YPEL2: variants seen among roughly 807,000 people sequenced by gnomAD.
The protein encoded by YPEL2 is yippee like 2, also known as protein yippee-like 2.
In YPEL2, 2 loss-of-function variants were observed where a neutral mutation model predicts 19.1. That is an observed-to-expected ratio of 0.10 (90% CI 0.04 to 0.33). YPEL2 has a LOEUF of 0.33. YPEL2 is among the 10% of genes least tolerant of loss of function. The pLI is 1.00. For missense variants in YPEL2, 66 were observed against 140.7 expected (o/e 0.47, Z 2.68); for synonymous variants, 52 against 50.0 (o/e 1.04, Z -0.17).
At chr17:59,357,539 A>G (rs1397775567) in intron 2 of YPEL2, among the ~76,000 whole-genome samples, 1 of 152,186 alleles carries the variant, frequency 6.6e-6, no homozygotes, top group African/African-American at 2.4e-5. Flanking sequence ...GGCATGAGGA[A>G]TTGCTCACAT....
intron 2 of YPEL2, among the ~76,000 whole-genome samples, chr17:59,361,733 C>T (rs954666472): frequency 6.6e-6 from 1 of 152,148 alleles, no homozygotes; most frequent in Non-Finnish European, 1.5e-5. Context: ...TCATCAGGCT[C>T]TCCACCAAAG....
chr17:59,358,051 G>A (rs2047821914), intron 2 of YPEL2, among the ~76,000 whole-genome samples: 1 of 152,066 alleles, frequency 6.6e-6, no homozygotes, highest in Non-Finnish European at 1.5e-5. Context: ...AGAATTATGG[G>A]TCATCTCATT....
At chr17:59,356,778 T>C (rs1034186687) in intron 2 of YPEL2, among the ~76,000 whole-genome samples, 31 of 152,232 alleles carry the variant, frequency 2.0e-4, no homozygotes, top group African/African-American at 7.5e-4. Context: ...GAGGGCCTGC[T>C]TTCTGGTTCA....
chr17:59,354,404 C>T (rs939035859), intron 2 of YPEL2: 1 of 152,038 alleles, frequency 6.6e-6, no homozygotes, highest in Non-Finnish European at 1.5e-5. Flanking sequence ...TTACGCAGAC[C>T]GAGACGAAGT....
chr17:59,388,426 A>G (rs2047991926), intron 3 of YPEL2, 56 bp downstream of exon 3: 1 of 1,549,506 alleles, frequency 6.5e-7, no homozygotes, highest in South Asian at 1.1e-5. Context: ...GGGATGGGAA[A>G]AAGCAATCCT....
intron 2 of YPEL2, among the ~76,000 whole-genome samples, chr17:59,386,256 G>A (rs1235118659): frequency 2.0e-5 from 3 of 151,848 alleles, no homozygotes; most frequent in East Asian, 1.9e-4. Flanking sequence ...GAGCCCAGAA[G>A]GTGGAGGCTA....
intron 1 of YPEL2, among the ~76,000 whole-genome samples, chr17:59,352,314 C>G (rs778882851): frequency 6.6e-5 from 10 of 152,112 alleles, no homozygotes; most frequent in Non-Finnish European, 1.5e-4. Context: ...TCTTAGACCT[C>G]GTGGCCCTGC....
At chr17:59,393,782 T>C (rs1401141383) in intron 4 of YPEL2, among the ~76,000 whole-genome samples, 3 of 150,224 alleles carry the variant, frequency 2.0e-5, no homozygotes, top group Admixed American at 1.3e-4. Flanking sequence ...TTAATCCATT[T>C]AACCCTGAGT....
At chr17:59,378,400 A>G (rs1264036943) in intron 2 of YPEL2, among the ~76,000 whole-genome samples, 1 of 150,168 alleles carries the variant, frequency 6.7e-6, no homozygotes, top group African/African-American at 2.5e-5. Context: ...GTTGGAGTGC[A>G]GTGGCGTGAT....
chr17:59,365,825 AAG>A (rs1451629502), intron 2 of YPEL2, among the ~76,000 whole-genome samples: 1 of 151,930 alleles, frequency 6.6e-6, no homozygotes, highest in Non-Finnish European at 1.5e-5. Context: ...GGGGGAGAGG[AAG>A]AGAGGAGGAG....
chr17:59,386,445 A>G (rs759234836), intron 2 of YPEL2, among the ~76,000 whole-genome samples: 1 of 151,570 alleles, frequency 6.6e-6, no homozygotes, highest in African/African-American at 2.4e-5. Flanking sequence ...GAAAGAGGGG[A>G]GCTGAGCTGA....
chr17:59,338,960 A>C (rs960806969), intron 1 of YPEL2, among the ~76,000 whole-genome samples: 4 of 152,220 alleles, frequency 2.6e-5, no homozygotes, highest in African/African-American at 9.7e-5. Flanking sequence ...CACATGACTG[A>C]GGTCTGGAAA....
At chr17:59,360,111 C>T (rs2047833038) in intron 2 of YPEL2, among the ~76,000 whole-genome samples, 1 of 152,190 alleles carries the variant, frequency 6.6e-6, no homozygotes, top group Admixed American at 6.5e-5. Flanking sequence ...GAATCTTGCA[C>T]TGTTGCCCAG....
chr17:59,377,171 G>T (rs965517530), intron 2 of YPEL2, among the ~76,000 whole-genome samples: 2 of 152,102 alleles, frequency 1.3e-5, no homozygotes, highest in Admixed American at 6.5e-5. Flanking sequence ...TCATTGGCCA[G>T]TGCCCATTTG....
At chr17:59,391,373 A>G (rs2048006701) in intron 4 of YPEL2, among the ~76,000 whole-genome samples, 3 of 152,158 alleles carry the variant, frequency 2.0e-5, no homozygotes, top group Admixed American at 2.0e-4. Flanking sequence ...TTTCTGCTCA[A>G]TTTTGCTGTG....
Position 59,353,421 on chromosome 17 carries a change from G to C in YPEL2, c.12G>C (p.Met4Ile). The change falls in exon 2 of 5, where the codon ATG becomes ATC. Residue 4 changes from methionine to isoleucine, a missense_variant. Physicochemically the swap from Met to Ile is conservative, Grantham distance 10. Transcript: ENST00000312655. This position sits in a 1 kb window ranked among gnomAD's most constrained non-coding sequence, Gnocchi z 4.8. The part of the protein sequence containing the change: MVK[M>I]TRSKTFQAYL... ...ACTCAGCAGCACCAATGGTGAAGAT[G>C]ACAAGATCGAAGACTTTCCAGGCAT... 1 of 1,591,416 alleles carries C rather than the reference G, an allele frequency of 6.3e-7. No individual in the cohort carries two copies. The highest frequency in any genetic ancestry group is 1.7e-4 in the Middle Eastern group (1 of 5,922).
At chr17:59,385,042 A>G (rs1457201820) in intron 2 of YPEL2, among the ~76,000 whole-genome samples, 2 of 152,194 alleles carry the variant, frequency 1.3e-5, no homozygotes, top group African/African-American at 4.8e-5. Context: ...ATAATAAGAG[A>G]ATATAATTTT....
chr17:59,379,481 C>T (rs529354176), intron 2 of YPEL2, among the ~76,000 whole-genome samples: 1 of 152,294 alleles, frequency 6.6e-6, no homozygotes, highest in African/African-American at 2.4e-5. Context: ...TCCTTTGTAT[C>T]TCTACCTACA....
At chr17:59,365,505 A>G (rs1414065302) in intron 2 of YPEL2, among the ~76,000 whole-genome samples, 1 of 152,236 alleles carries the variant, frequency 6.6e-6, no homozygotes, top group Non-Finnish European at 1.5e-5. Context: ...CTGGAAGAGA[A>G]GTCCCTGGCC....
Sources: gnomAD v4.1 joint callset for allele counts (sites outside exome capture counted in the v4.1 genomes callset) on GRCh38, gnomAD v4.1.1 for gene constraint, Gnocchi (gnomAD v3.1) non-coding constraint, MANE v1.5 for transcripts, NCBI Gene and HGNC (gene_info 2026-07-23, HGNC 2026-07-21) for gene names.